ATRNL1: variants seen among roughly 807,000 people sequenced by gnomAD.
ATRNL1 encodes attractin-like protein 1.
A neutral mutation model predicts 182.7 loss-of-function variants in ATRNL1; 95 were observed. The ratio of observed to expected loss-of-function variants is 0.52; its 90% CI spans 0.44 to 0.62. ATRNL1 has a LOEUF of 0.62. ATRNL1 is among the 20% of genes least tolerant of loss of function. The probability of loss-of-function intolerance (pLI) is 0.00; values close to 1 mark genes in which losing one functional copy is unlikely to be tolerated. For missense variants in ATRNL1, 1,471 were observed against 1,679.5 expected, an observed-to-expected ratio of 0.88 and a Z score of 2.17; for synonymous variants, 576 against 568.3, an observed-to-expected ratio of 1.01 and a Z score of -0.19.
At chr10:115,697,482 C>T (rs1461837619) in intron 26 of ATRNL1, among the ~76,000 whole-genome samples, 31 of 152,064 alleles carry the variant, frequency 2.0e-4, no homozygotes, top group African/African-American at 7.2e-4. Flanking sequence ...CATACCACCA[C>T]ACCCAGCTAA....
chr10:115,587,491 C>T (rs111383929), intron 26 of ATRNL1, among the ~76,000 whole-genome samples: 3 of 151,728 alleles, frequency 2.0e-5, no homozygotes, highest in Admixed American at 6.6e-5. Flanking sequence ...GTCGGAAAAG[C>T]GCAGTATTCA....
intron 26 of ATRNL1, among the ~76,000 whole-genome samples, chr10:115,682,450 T>C (rs1946077939): frequency 6.6e-6 from 1 of 152,042 alleles, no homozygotes; most frequent in African/African-American, 2.4e-5. Flanking sequence ...TACAGGAGAA[T>C]TGCTTAAACC....
At chr10:115,239,753 A>G (rs984939508) in intron 9 of ATRNL1, among the ~76,000 whole-genome samples, 4 of 152,080 alleles carry the variant, frequency 2.6e-5, no homozygotes, top group Non-Finnish European at 4.4e-5. Flanking sequence ...GATGAAGGCT[A>G]TTGGGTCCAA....
chr10:115,653,302 G>A (rs1467034657), intron 26 of ATRNL1, among the ~76,000 whole-genome samples: 3 of 152,060 alleles, frequency 2.0e-5, no homozygotes, highest in Non-Finnish European at 2.9e-5. Flanking sequence ...GTGCCTCTTT[G>A]TGGCTTTCAG....
chr10:115,922,925 G>A (rs73365748), intron 28 of ATRNL1, among the ~76,000 whole-genome samples: 2,560 of 152,256 alleles, frequency 0.017, 65 homozygotes, highest in African/African-American at 0.054. Flanking sequence ...CCCATGCATG[G>A]TGAGGTAGTA....
chr10:115,384,527 G>C (rs1395985044), intron 19 of ATRNL1, among the ~76,000 whole-genome samples: 14 of 151,932 alleles, frequency 9.2e-5, no homozygotes, highest in African/African-American at 3.4e-4. Context: ...TCTATAAAAT[G>C]AAAGCAGTCA....
intron 27 of ATRNL1, among the ~76,000 whole-genome samples, chr10:115,843,715 C>T (rs1483328151): frequency 6.6e-6 from 1 of 152,024 alleles, no homozygotes; most frequent in Non-Finnish European, 1.5e-5. Context: ...ATTTTGGACT[C>T]AAGCCTCTTT....
intron 26 of ATRNL1, among the ~76,000 whole-genome samples, chr10:115,601,308 A>C (rs1178262166): frequency 6.6e-6 from 1 of 152,146 alleles, no homozygotes; most frequent in African/African-American, 2.4e-5. Flanking sequence ...TCAGAATATG[A>C]TCTACATTCA....
At chr10:115,666,620 A>G (rs1323946118) in intron 26 of ATRNL1, among the ~76,000 whole-genome samples, 2 of 152,160 alleles carry the variant, frequency 1.3e-5, no homozygotes, top group Admixed American at 6.5e-5. Context: ...GAGCCTTCCA[A>G]TATGACAGCC....
rs573882302 is a variant in ATRNL1, at chr10:115,613,421, C to T, written c.3795+63885C>T. ...AATCTTGTTGATGCTCTGTTAGATT[C>T]GCTTTGCTAGTATTTCTGTTGATTT... On this transcript the variant is annotated intron_variant, in intron 26 of 28. Transcript: ENST00000355044. Among the ~76,000 whole-genome samples the T allele has an allele frequency of 9.2e-5, 14 of 152,218 alleles. No homozygotes were observed. In the East Asian group the frequency reaches 9.7e-4, roughly 11 times the overall value.
At chr10:115,457,595 C>T (rs1201865212) in intron 21 of ATRNL1, among the ~76,000 whole-genome samples, 2 of 152,056 alleles carry the variant, frequency 1.3e-5, no homozygotes, top group Non-Finnish European at 2.9e-5. Flanking sequence ...TCTCTGCCCG[C>T]ACATTTCCCA....
At chr10:115,267,888 A>T (rs1453753066) in intron 12 of ATRNL1, among the ~76,000 whole-genome samples, 5 of 151,970 alleles carry the variant, frequency 3.3e-5, no homozygotes, top group African/African-American at 1.2e-4. Flanking sequence ...TAGCTTTCCG[A>T]GTAGCTGGAA....
chr10:115,393,180 C>G (rs1844116374), intron 19 of ATRNL1, among the ~76,000 whole-genome samples: 2 of 152,100 alleles, frequency 1.3e-5, no homozygotes, highest in Non-Finnish European at 2.9e-5. Flanking sequence ...CCCTTTCACT[C>G]TTTTTGCCCC....
chr10:115,150,308 AT>A (rs143060065), intron 5 of ATRNL1, among the ~76,000 whole-genome samples: 145 of 143,076 alleles, frequency 1.0e-3, no homozygotes, highest in African/African-American at 3.0e-3. Flanking sequence ...GATCCTTTGT[AT>A]TTTTTTTTTC....
intron 27 of ATRNL1, among the ~76,000 whole-genome samples, chr10:115,738,153 T>TC (rs1948025783): frequency 8.8e-6 from 1 of 113,672 alleles, no homozygotes; most frequent in Non-Finnish European, 1.9e-5. Flanking sequence ...TTTTTTTTTT[T>TC]TTTGAGATGG....
chr10:115,245,699 A>G (rs1315421264), intron 10 of ATRNL1, among the ~76,000 whole-genome samples: 2 of 152,104 alleles, frequency 1.3e-5, no homozygotes, highest in African/African-American at 2.4e-5. Context: ...ATGCAAAGTT[A>G]TGAAAATTCC....
At chr10:115,817,302 A>T (rs1950186896) in intron 27 of ATRNL1, among the ~76,000 whole-genome samples, 1 of 152,126 alleles carries the variant, frequency 6.6e-6, no homozygotes, top group Non-Finnish European at 1.5e-5. Context: ...TTCGGAAAAA[A>T]ATCATGAAAT....
intron 24 of ATRNL1, among the ~76,000 whole-genome samples, chr10:115,470,851 G>C (rs1450455806): frequency 1.3e-5 from 2 of 150,538 alleles, no homozygotes; most frequent in South Asian, 4.2e-4. Flanking sequence ...TATGGAATAT[G>C]TTATATTAAA....
rs1181612923 is a variant in ATRNL1, at chr10:115,378,849, A to T, written c.3176-15810A>T. On this transcript the variant is annotated intron_variant, in intron 19 of 28. Coordinates refer to ENST00000355044, the MANE Select transcript of ATRNL1 (RefSeq NM_207303.4). ...TTTCTTTAAGTATAATTATGCTGTA[A>T]GGATACAAAGAAAATTAAATTTACA... Among the ~76,000 whole-genome samples, 3 of 152,226 alleles carry T rather than the reference A, an allele frequency of 2.0e-5. No individual in the cohort carries two copies. In the East Asian group the frequency reaches 5.8e-4, roughly 29 times the overall value.
Sources: allele counts gnomAD v4.1 joint callset (sites outside exome capture counted in the v4.1 genomes callset), GRCh38; gene constraint gnomAD v4.1.1; transcripts MANE v1.5; gene names NCBI Gene and HGNC (gene_info 2026-07-23, HGNC 2026-07-21).